CNTN5: variants seen among roughly 807,000 people sequenced by gnomAD.
The protein encoded by CNTN5 is contactin-5.
A neutral mutation model predicts 129.1 loss-of-function variants in CNTN5; 77 were observed. The ratio of observed to expected loss-of-function variants is 0.60; its 90% CI spans 0.50 to 0.72. CNTN5 has a LOEUF of 0.72. Among genes scored for constraint, CNTN5 ranks in the 30% least tolerant of loss-of-function variants. CNTN5 has a pLI of 0.00. For missense variants in CNTN5, 1,478 were observed against 1,328.8 expected (o/e 1.11, Z -1.75); for synonymous variants, 509 against 465.6 (o/e 1.09, Z -1.20).
chr11:99,239,545 C>T (rs1035944328), intron 1 of CNTN5, among the ~76,000 whole-genome samples: 6 of 152,286 alleles, frequency 3.9e-5, no homozygotes, highest in East Asian at 3.9e-4. Context: ...CTAACTGTAG[C>T]TTTCCAACTG....
At chr11:99,819,969 T>A (rs898413734) in intron 4 of CNTN5, among the ~76,000 whole-genome samples, 21 of 152,222 alleles carry the variant, frequency 1.4e-4, no homozygotes, top group Non-Finnish European at 2.5e-4. Context: ...CTGGTAAATG[T>A]GACTAGGCCA....
chr11:99,536,731 ATAT>A (rs1947912948), intron 2 of CNTN5, among the ~76,000 whole-genome samples: 1 of 151,946 alleles, frequency 6.6e-6, no homozygotes, highest in Non-Finnish European at 1.5e-5. Context: ...TTTGGAGAAA[ATAT>A]TATTACTAAC....
At chr11:99,642,495 A>C (rs534079811) in intron 3 of CNTN5, among the ~76,000 whole-genome samples, 1 of 152,308 alleles carries the variant, frequency 6.6e-6, no homozygotes, top group South Asian at 2.1e-4. Flanking sequence ...GACACATAGT[A>C]ATTGTACATA....
chr11:99,101,327 C>T (rs1866725280), intron 1 of CNTN5, among the ~76,000 whole-genome samples: 1 of 152,138 alleles, frequency 6.6e-6, no homozygotes, highest in Admixed American at 6.5e-5. Flanking sequence ...TGTCCCTGGC[C>T]TCTCCCAAAT....
At chr11:99,680,651 A>G (rs750611114) in intron 3 of CNTN5, among the ~76,000 whole-genome samples, 7 of 151,830 alleles carry the variant, frequency 4.6e-5, no homozygotes, top group Non-Finnish European at 1.0e-4. Context: ...CTATTACACA[A>G]CATCCATTCC....
chr11:99,866,301 A>G (rs575752794), intron 6 of CNTN5, among the ~76,000 whole-genome samples: 2 of 152,352 alleles, frequency 1.3e-5, no homozygotes, highest in African/African-American at 4.8e-5. Flanking sequence ...TCTAAGGTAC[A>G]GAATAGTGGT....
intron 3 of CNTN5, among the ~76,000 whole-genome samples, chr11:99,688,214 T>G (rs1953877367): frequency 6.6e-6 from 1 of 152,104 alleles, no homozygotes; most frequent in Non-Finnish European, 1.5e-5. Context: ...ATGTATTTAG[T>G]TTTAATAAAT....
At chr11:99,922,522 A>G (rs2136040226) in intron 7 of CNTN5, among the ~76,000 whole-genome samples, 1 of 152,324 alleles carries the variant, frequency 6.6e-6, no homozygotes, top group East Asian at 1.9e-4. Context: ...TACGTGCTAG[A>G]AATCTTAGAC....
At chr11:99,671,556 G>T (rs1171867588) in intron 3 of CNTN5, among the ~76,000 whole-genome samples, 1 of 152,052 alleles carries the variant, frequency 6.6e-6, no homozygotes. Context: ...AGTTAATAAA[G>T]ATTTTTAAAG....
intron 1 of CNTN5, among the ~76,000 whole-genome samples, chr11:99,233,717 G>C (rs1216133011): frequency 6.6e-6 from 1 of 152,174 alleles, no homozygotes; most frequent in African/African-American, 2.4e-5. Flanking sequence ...GGAGGCCGAG[G>C]TGGGTGGATC....
At chr11:99,539,832 T>C (rs900807481) in intron 2 of CNTN5, among the ~76,000 whole-genome samples, 3 of 152,162 alleles carry the variant, frequency 2.0e-5, no homozygotes, top group African/African-American at 4.8e-5. Flanking sequence ...GTACCATATA[T>C]GTAAATCATT....
intron 2 of CNTN5, among the ~76,000 whole-genome samples, chr11:99,487,231 C>A (rs1945853803): frequency 6.6e-6 from 1 of 152,190 alleles, no homozygotes. Context: ...TACAGCAAGG[C>A]TGACACATTA....
chr11:99,745,915 A>G (rs1027461051), intron 3 of CNTN5, among the ~76,000 whole-genome samples: 1 of 152,230 alleles, frequency 6.6e-6, no homozygotes, highest in Admixed American at 6.5e-5. Context: ...CTCAGGTTGT[A>G]GAACTAGCCA....
intron 3 of CNTN5, among the ~76,000 whole-genome samples, chr11:99,789,561 C>T (rs900939570): frequency 6.6e-6 from 1 of 151,902 alleles, no homozygotes; most frequent in Admixed American, 6.6e-5. Flanking sequence ...CACTTAGCTT[C>T]CTTTGCTTCC....
intron 6 of CNTN5, among the ~76,000 whole-genome samples, chr11:99,865,525 A>G (rs1029323610): frequency 2.0e-5 from 3 of 152,022 alleles, no homozygotes; most frequent in African/African-American, 7.2e-5. Flanking sequence ...TGAATATGTT[A>G]TGATATAAAA....
chr11:99,630,243 TATACATA>T (rs1792320131), intron 3 of CNTN5, among the ~76,000 whole-genome samples: 1 of 6,242 alleles, frequency 1.6e-4, no homozygotes, highest in Non-Finnish European at 6.2e-3. Flanking sequence ...TGTGTGTGTA[TATACATA>T]TATATATATA....
At chr11:100,264,507 T>C (rs150588229) in intron 17 of CNTN5, among the ~76,000 whole-genome samples, 331 of 152,284 alleles carry the variant, frequency 2.2e-3, no homozygotes, top group Middle Eastern at 0.01. Flanking sequence ...CTGTGTTAGT[T>C]TGTCGAGGAT....
chr11:99,301,090 G>A (rs1864613213), intron 1 of CNTN5, among the ~76,000 whole-genome samples: 1 of 151,528 alleles, frequency 6.6e-6, no homozygotes, highest in South Asian at 2.1e-4. Flanking sequence ...TCCTAGCACA[G>A]ACACTATTAA....
intron 1 of CNTN5, among the ~76,000 whole-genome samples, chr11:99,281,303 CA>C (rs921761767): frequency 1.4e-4 from 22 of 151,920 alleles, no homozygotes; most frequent in African/African-American, 4.3e-4. Flanking sequence ...GCCAGAATAA[CA>C]AAAAGAAATC....
Sources: allele counts gnomAD v4.1 joint callset (sites outside exome capture counted in the v4.1 genomes callset), GRCh38; gene constraint gnomAD v4.1.1; transcripts MANE v1.5; gene names NCBI Gene and HGNC (gene_info 2026-07-23, HGNC 2026-07-21).